The following LMNTD1 variants were observed in gnomAD, a reference collection of about 807,000 sequenced individuals.
LMNTD1 encodes the protein lamin tail domain containing 1.
LMNTD1 carries 35 observed loss-of-function variants against 50.9 expected under a neutral mutation model. That is an observed-to-expected ratio of 0.69 (90% CI 0.53 to 0.91). LMNTD1 has a LOEUF of 0.91. LMNTD1 is among the 40% of genes least tolerant of loss of function. The pLI, the probability that LMNTD1 is intolerant of heterozygous loss-of-function variation, is 0.00. For synonymous variants in LMNTD1, 153 were observed against 161.9 expected (o/e 0.94, Z 0.42); for missense variants, 470 against 475.5 (o/e 0.99, Z 0.11).
At chr12:25,499,569 A>T (rs1003980105) in intron 9 of LMNTD1, among the ~76,000 whole-genome samples, 2 of 152,010 alleles carry the variant, frequency 1.3e-5, no homozygotes, top group African/African-American at 4.8e-5. Context: ...GAATATGGGG[A>T]TCAAAATTGT....
intron 9 of LMNTD1, among the ~76,000 whole-genome samples, 181 bp from the exon 10 acceptor site, chr12:25,476,641 A>G (rs1938272769): frequency 6.6e-6 from 1 of 152,224 alleles, no homozygotes; most frequent in Non-Finnish European, 1.5e-5. Context: ...GAAACTGACC[A>G]AAGGTTGCAT....
chr12:25,622,707 T>A (rs1348236815), intron 1 of LMNTD1, among the ~76,000 whole-genome samples: 1 of 152,094 alleles, frequency 6.6e-6, no homozygotes, highest in Non-Finnish European at 1.5e-5. Flanking sequence ...TCCAACAACA[T>A]TTAAGATTAC....
At chr12:25,537,788 A>C (rs1338694291) in intron 4 of LMNTD1, among the ~76,000 whole-genome samples, 1 of 152,148 alleles carries the variant, frequency 6.6e-6, no homozygotes, top group Non-Finnish European at 1.5e-5. Flanking sequence ...CTATGGGAGG[A>C]CATTCAAACC....
chr12:25,641,486 G>A (rs1268907608), intron 1 of LMNTD1, among the ~76,000 whole-genome samples: 3 of 152,096 alleles, frequency 2.0e-5, no homozygotes, highest in South Asian at 2.1e-4. Flanking sequence ...TTAAGCCTTT[G>A]TTCAGTTAAA....
At chr12:25,545,585 G>C (rs1224183895) in intron 4 of LMNTD1, among the ~76,000 whole-genome samples, 1 of 151,600 alleles carries the variant, frequency 6.6e-6, no homozygotes, top group East Asian at 1.9e-4. Context: ...TTTAACAGAA[G>C]CTTTGAACAT....
At chr12:25,551,165 A>G (rs1565470811) in intron 2 of LMNTD1, among the ~76,000 whole-genome samples, 2 of 152,224 alleles carry the variant, frequency 1.3e-5, no homozygotes, top group South Asian at 4.1e-4. Context: ...TTCTCTTTCA[A>G]CATTCCTTAC....
chr12:25,639,990 A>T (rs1946917462), intron 1 of LMNTD1, among the ~76,000 whole-genome samples: 1 of 152,220 alleles, frequency 6.6e-6, no homozygotes, highest in Non-Finnish European at 1.5e-5. Context: ...CTACTGATAC[A>T]TACTACCACA....
chr12:25,520,139 G>GATATAT (rs1394594290), intron 6 of LMNTD1, 64 bp from the exon 7 acceptor site: 5,122 of 151,998 alleles, frequency 0.034, 495 homozygotes, highest in Admixed American at 0.052. Flanking sequence ...GCTGTTATGA[G>GATATAT]ATATACATAT....
intron 6 of LMNTD1, among the ~76,000 whole-genome samples, chr12:25,522,543 C>G (rs1941395483): frequency 6.6e-6 from 1 of 152,106 alleles, no homozygotes; most frequent in Non-Finnish European, 1.5e-5. Flanking sequence ...CTTAAGCAAG[C>G]CATTTAACTT....
At chr12:25,514,239 T>C (rs1394259044) in intron 8 of LMNTD1, among the ~76,000 whole-genome samples, 1 of 151,386 alleles carries the variant, frequency 6.6e-6, no homozygotes, top group East Asian at 1.9e-4. Flanking sequence ...AGGAGGGAGG[T>C]GGTACTAGAA....
intron 1 of LMNTD1, among the ~76,000 whole-genome samples, chr12:25,638,991 T>A (rs528354458): frequency 6.6e-6 from 1 of 152,300 alleles, no homozygotes; most frequent in East Asian, 1.9e-4. Context: ...GGAACATAAC[T>A]GAGACTCCAA....
chr12:25,644,463 T>G (rs1224927392), intron 1 of LMNTD1, among the ~76,000 whole-genome samples: 1 of 151,758 alleles, frequency 6.6e-6, no homozygotes. Flanking sequence ...GGCAGCATAA[T>G]AAGACCTGTC....
intron 1 of LMNTD1, among the ~76,000 whole-genome samples, chr12:25,586,897 A>G (rs1021297273): frequency 6.6e-6 from 1 of 152,250 alleles, no homozygotes; most frequent in East Asian, 1.9e-4. Flanking sequence ...TTGACAAACC[A>G]CATAGCATGC....
At chr12:25,486,958 T>C (rs1030771182) in intron 9 of LMNTD1, among the ~76,000 whole-genome samples, 1 of 152,176 alleles carries the variant, frequency 6.6e-6, no homozygotes, top group African/African-American at 2.4e-5. Flanking sequence ...ATATTGGTCT[T>C]AATCCTGAGT....
chr12:25,575,530 A>G (rs1419519853), intron 1 of LMNTD1, among the ~76,000 whole-genome samples: 1 of 152,128 alleles, frequency 6.6e-6, no homozygotes, highest in African/African-American at 2.4e-5. Context: ...TCTTAGAACT[A>G]ATGCTGTATG....
At chr12:25,596,649 A>G (rs1265933034) in intron 1 of LMNTD1, among the ~76,000 whole-genome samples, 1 of 152,068 alleles carries the variant, frequency 6.6e-6, no homozygotes, top group African/African-American at 2.4e-5. Flanking sequence ...GATCTGTCCT[A>G]CAAGAAATGC....
intron 4 of LMNTD1, among the ~76,000 whole-genome samples, chr12:25,527,788 C>A (rs1941922100): frequency 6.7e-6 from 1 of 148,298 alleles, no homozygotes; most frequent in Non-Finnish European, 1.5e-5. Context: ...GTCTACCTAT[C>A]TCTGTATATA....
At chr12:25,509,169 G>A (rs557431004) in intron 8 of LMNTD1, among the ~76,000 whole-genome samples, 3 of 152,268 alleles carry the variant, frequency 2.0e-5, no homozygotes, top group Admixed American at 6.5e-5. Flanking sequence ...GTGCAATGGC[G>A]TGATCTCGGC....
At chr12:25,623,946 C>A (rs773977270) in intron 1 of LMNTD1, among the ~76,000 whole-genome samples, 91 of 152,184 alleles carry the variant, frequency 6.0e-4, no homozygotes, top group Non-Finnish European at 1.1e-3. Context: ...TGGCAGAATT[C>A]AGCTTCCCTG....
Sources: gnomAD v4.1 joint callset for allele counts (sites outside exome capture counted in the v4.1 genomes callset) on GRCh38, gnomAD v4.1.1 for gene constraint, MANE v1.5 for transcripts, NCBI Gene and HGNC (gene_info 2026-07-23, HGNC 2026-07-21) for gene names.